Variants in PODXL2 observed in about 807,000 individuals in gnomAD.
The protein encoded by PODXL2 is podocalyxin like 2.
In PODXL2, 17 loss-of-function variants were observed where a neutral mutation model predicts 53.4. That is an observed-to-expected ratio of 0.32 (90% CI 0.22 to 0.48). PODXL2 has a LOEUF of 0.48. Ranked by LOEUF, PODXL2 falls within the 20% of genes least tolerant of loss-of-function variation. The probability of loss-of-function intolerance (pLI) is 0.99; values close to 1 mark genes in which losing one functional copy is unlikely to be tolerated. For synonymous variants in PODXL2, 311 were observed against 306.7 expected, an observed-to-expected ratio of 1.01 and a Z score of -0.15; for missense variants, 673 against 760.0, an observed-to-expected ratio of 0.89 and a Z score of 1.35.
In PODXL2 at chr3:127,629,357, C is replaced by T; in HGVS notation, c.70+68C>T. The stretch of plus-strand genomic sequence containing the variant: ...CGTGGGCGCGGTGCTGGACAGCTCC[C>T]CGGGCCGCCAACAAAGGGGCCAGAG... On this transcript the variant is annotated intron_variant, in intron 1 of 7. Transcript: ENST00000342480. This position sits in a 1 kb window ranked among gnomAD's most constrained non-coding sequence, Gnocchi z 6.4. The T allele has an allele frequency of 1.0e-6, 1 of 997,654 alleles. No homozygotes were observed. The highest frequency in any genetic ancestry group is 1.2e-6 in the Non-Finnish European group (1 of 838,522). The allele number at this position is 997,654 out of a possible 1,614,324, so 61.8% of individuals were successfully genotyped here.
intron 1 of PODXL2, among the ~76,000 whole-genome samples, chr3:127,637,867 TCA>T (rs1366783513): frequency 4.6e-5 from 7 of 152,180 alleles, no homozygotes; most frequent in Non-Finnish European, 1.0e-4. Flanking sequence ...CAGTGGCCAG[TCA>T]CAGTATTGGC....
chr3:127,635,371 T>C (rs191718513), intron 1 of PODXL2, among the ~76,000 whole-genome samples: 1 of 152,348 alleles, frequency 6.6e-6, no homozygotes, highest in East Asian at 1.9e-4. Flanking sequence ...ACCCTATCTT[T>C]CTTATTTCTG....
intron 4 of PODXL2, among the ~76,000 whole-genome samples, chr3:127,665,774 C>T (rs1424452185): frequency 2.6e-5 from 4 of 152,196 alleles, no homozygotes; most frequent in East Asian, 1.9e-4. Flanking sequence ...AGTGATGAGG[C>T]GCCAGTCCTT....
At chr3:127,668,302 G>T in intron 4 of PODXL2, 139 bp from the exon 5 acceptor site, 1 of 665,304 alleles carries the variant, frequency 1.5e-6, no homozygotes, top group Non-Finnish European at 2.2e-6. Context: ...CTCTCAGAGG[G>T]TCTCCAGAGT....
At chr3:127,639,150 C>T in intron 1 of PODXL2, 95 bp from the exon 2 acceptor site, 2 of 1,292,642 alleles carry the variant, frequency 1.5e-6, no homozygotes, top group Non-Finnish European at 2.1e-6. Flanking sequence ...CCCCCCTTCC[C>T]CAGGACCTTT....
chr3:127,650,938 C>T (rs1399609132), intron 2 of PODXL2, among the ~76,000 whole-genome samples: 2 of 152,166 alleles, frequency 1.3e-5, no homozygotes, highest in African/African-American at 2.4e-5. Context: ...GGATTACAGG[C>T]GTGAGCCACC....
Position 127,629,222 on chromosome 3 carries a change from G to GGGCCGGCTGCTGCGGGCC in PODXL2, c.5_22dup (p.Gly2_Ala7dup). 1.0e-6 allele frequency: 1 copy of GGGCCGGCTGCTGCGGGCC among 994,430 alleles called. No individual in the cohort carries two copies. The highest frequency in any genetic ancestry group is 1.2e-6 in the Non-Finnish European group (1 of 836,890). The allele number at this position is 994,430 out of a possible 1,614,324, so 61.6% of individuals were successfully genotyped here. ...CTGCAGGCGGCGACGGCTACACCAT[G>GGGCCGGCTGCTGCGGGCC]GGCCGGCTGCTGCGGGCCGCCCGGC... is the stretch of plus-strand genomic sequence containing the variant. On this transcript the variant is annotated inframe_insertion, in exon 1 of 8. Transcript: ENST00000342480. This position sits in a 1 kb window ranked among gnomAD's most constrained non-coding sequence, Gnocchi z 6.4.
chr3:127,648,637 G>A (rs1029117115), intron 2 of PODXL2, among the ~76,000 whole-genome samples: 2 of 127,484 alleles, frequency 1.6e-5, no homozygotes, highest in Non-Finnish European at 3.4e-5. Context: ...TTTTTTTTTT[G>A]AGACAGTCTC....
At chr3:127,634,660 A>G (rs1372801687) in intron 1 of PODXL2, among the ~76,000 whole-genome samples, 1 of 152,136 alleles carries the variant, frequency 6.6e-6, no homozygotes, top group African/African-American at 2.4e-5. Context: ...TGAGAGGCGG[A>G]GGTTGCAGTG....
chr3:127,665,772 G>A (rs1413105629), intron 4 of PODXL2, among the ~76,000 whole-genome samples: 1 of 152,232 alleles, frequency 6.6e-6, no homozygotes, highest in East Asian at 1.9e-4. Flanking sequence ...ACAGTGATGA[G>A]GCGCCAGTCC....
chr3:127,656,084 T>C (rs1213055576), intron 2 of PODXL2, among the ~76,000 whole-genome samples: 1 of 152,244 alleles, frequency 6.6e-6, no homozygotes, highest in African/African-American at 2.4e-5. Flanking sequence ...TGTTAGGTGC[T>C]GGGAATGTAG....
At chr3:127,668,409 C>G in intron 4 of PODXL2, 32 bp from the exon 5 acceptor site, 2 of 1,483,142 alleles carry the variant, frequency 1.3e-6, no homozygotes, top group South Asian at 2.9e-5. Flanking sequence ...CTTTCCTTCA[C>G]TGAACACGGG....
At chr3:127,655,944 G>C (rs2074720873) in intron 2 of PODXL2, among the ~76,000 whole-genome samples, 1 of 152,254 alleles carries the variant, frequency 6.6e-6, no homozygotes, top group Admixed American at 6.5e-5. Context: ...GGAACTCATA[G>C]AGACAGTAAA....
rs1349726221 is a variant in PODXL2, at chr3:127,672,411, G to A, written c.1749G>A (p.Trp583Ter). ...GGGALNGPGS[W>*]GALMGGKRDP... ...GGGCCCTCAACGGCCCGGGGAGCTG[G>A]GGGGCGCTCATGGGGGGCAAGCGGG... The change falls in exon 8 of 8, where the codon TGG becomes TGA. Residue 583 changes from tryptophan (W) to a stop codon, truncating the protein, a stop_gained. Coordinates refer to ENST00000342480, the MANE Select transcript of PODXL2 (RefSeq NM_015720.4). LOFTEE classifies it high-confidence loss of function. The A allele has an allele frequency of 6.5e-7, 1 of 1,543,014 alleles. No individual in the cohort carries two copies. The highest frequency in any genetic ancestry group is 8.7e-7 in the Non-Finnish European group (1 of 1,145,758).
rs926549808 is a variant in PODXL2 at position 127,629,485 on chromosome 3, G to T, written c.70+196G>T. On this transcript the variant is annotated intron_variant, in intron 1 of 7. Coordinates refer to ENST00000342480, the MANE Select transcript of PODXL2 (RefSeq NM_015720.4). The surrounding 1 kb of genome is among the most constrained non-coding windows in gnomAD (Gnocchi z 6.4). Reference sequence around the variant, plus strand: ...GTGGGGGCCGCGGCGGGCGCCTGGCGTGCCGGGCGACCCCCGACAAAGGCG... The same window carrying T: ...GTGGGGGCCGCGGCGGGCGCCTGGCTTGCCGGGCGACCCCCGACAAAGGCG... Among the ~76,000 whole-genome samples the T allele has an allele frequency of 2.0e-5, 3 of 150,540 alleles. No homozygotes were observed. The highest frequency in any genetic ancestry group is 4.9e-5 in the African/African-American group (2 of 41,182).
chr3:127,672,768 A>C lies in PODXL2; in HGVS notation c.*288A>C. The C allele has an allele frequency of 5.5e-6, 2 of 366,602 alleles. No homozygotes were observed. Among genetic ancestry groups the C allele is most frequent in the Non-Finnish European group, 4.8e-6 (1 of 210,420 alleles). 22.7% of individuals were successfully genotyped at this position (366,602 alleles called of 1,614,324 possible). A position where few individuals can be genotyped will look rare whatever the true frequency, so the allele number is the denominator to read the frequency against. On this transcript the variant is annotated 3_prime_UTR_variant, in exon 8 of 8. Transcript: ENST00000342480. ...GGCGCTTCCTGCGCCCCGGGACTCA[A>C]TTAAACCCGCCCGGAGACCACGCCG...
At chr3:127,645,292 G>A (rs1351671441) in intron 2 of PODXL2, among the ~76,000 whole-genome samples, 1 of 152,202 alleles carries the variant, frequency 6.6e-6, no homozygotes, top group Non-Finnish European at 1.5e-5. Context: ...TCTAGAGTCA[G>A]TGTCTTCTCA....
At chr3:127,631,264 T>G (rs1411048607) in intron 1 of PODXL2, among the ~76,000 whole-genome samples, 1 of 152,074 alleles carries the variant, frequency 6.6e-6, no homozygotes, top group Non-Finnish European at 1.5e-5. Flanking sequence ...GCCAAGAGCT[T>G]AGGGAGACTG....
At position 127,660,595 on chromosome 3, in the gene PODXL2, G is replaced by T. The variant is rs1309913210; in HGVS notation, c.567G>T (p.Leu189=). 2 of 1,614,008 alleles carry T rather than the reference G, an allele frequency of 1.2e-6. No individual in the cohort carries two copies. The highest frequency in any genetic ancestry group is 1.1e-5 in the South Asian group (1 of 91,088). Residue 189 remains leucine (L), a synonymous_variant, in exon 3 of 8, where the codon CTG becomes CTT. Coordinates refer to ENST00000342480, the MANE Select transcript of PODXL2 (RefSeq NM_015720.4). ...EKQEEEEEEE[L]LPVNGSQEEA... ...AAGAGGAGGAGGAAGAGGAGGAGCT[G>T]CTCCCTGTGAATGGATCCCAAGAAG... is the stretch of plus-strand genomic sequence containing the variant.
Sources: gnomAD v4.1 joint callset for allele counts (sites outside exome capture counted in the v4.1 genomes callset) on GRCh38, gnomAD v4.1.1 for gene constraint, Gnocchi (gnomAD v3.1) non-coding constraint, MANE v1.5 for transcripts, NCBI Gene and HGNC (gene_info 2026-07-23, HGNC 2026-07-21) for gene names.